The following MRPS28 variants were observed in gnomAD, a reference collection of about 807,000 sequenced individuals.
The protein encoded by MRPS28 is small ribosomal subunit protein bS1m.
In MRPS28, 7 loss-of-function variants were observed where a neutral mutation model predicts 10.8. That is an observed-to-expected ratio of 0.65 (90% CI 0.37 to 1.22). MRPS28 has a LOEUF of 1.22. Among genes scored for constraint, MRPS28 ranks in the 50% most tolerant of loss-of-function variants. The probability of loss-of-function intolerance (pLI) is 0.02; values close to 1 mark genes in which losing one functional copy is unlikely to be tolerated. For missense variants in MRPS28, 265 were observed against 232.9 expected (o/e 1.14, Z -0.90); for synonymous variants, 121 against 93.3 (o/e 1.30, Z -1.71).
intron 2 of MRPS28, among the ~76,000 whole-genome samples, chr8:79,926,321 C>A (rs1810234053): frequency 6.6e-6 from 1 of 152,176 alleles, no homozygotes; most frequent in Non-Finnish European, 1.5e-5. Context: ...TTGACTGAAA[C>A]AAGTTTTTTC....
intron 2 of MRPS28, among the ~76,000 whole-genome samples, chr8:79,927,009 T>C (rs902889985): frequency 2.2e-4 from 33 of 152,300 alleles, no homozygotes; most frequent in South Asian, 8.3e-4. Flanking sequence ...TTGTGGTAGT[T>C]TGGGGCCAGG....
chr8:79,946,202 G>C (rs772668624), intron 2 of MRPS28, among the ~76,000 whole-genome samples: 5 of 152,024 alleles, frequency 3.3e-5, no homozygotes, highest in Non-Finnish European at 5.9e-5. Flanking sequence ...ACTGCCCAAA[G>C]CTAAATAATC....
At chr8:79,985,733 T>C (rs184287472) in intron 2 of MRPS28, among the ~76,000 whole-genome samples, 2,407 of 152,278 alleles carry the variant, frequency 0.016, 61 homozygotes, top group African/African-American at 0.053. Flanking sequence ...CAGGAAGAAG[T>C]TGACTCTCTG....
chr8:79,995,688 A>G (rs762362320), intron 2 of MRPS28, among the ~76,000 whole-genome samples: 2 of 152,240 alleles, frequency 1.3e-5, no homozygotes, highest in Non-Finnish European at 2.9e-5. Context: ...TCAAGTAGCT[A>G]CACAGCCCAG....
rs556720873 is a variant in MRPS28 at position 79,996,760 on chromosome 8, A to C, written c.395+6239T>G. On this transcript the variant is annotated intron_variant, in intron 2 of 2. Coordinates refer to ENST00000276585, the MANE Select transcript of MRPS28 (RefSeq NM_014018.3). The stretch of plus-strand genomic sequence containing the variant: ...GACCTCCACAGAGCTTCACTGCCAC[A>C]CTGCCTTCAGGGTCCCTGGAATGAA... Among the ~76,000 whole-genome samples, 285 of 152,338 alleles carry C rather than the reference A, an allele frequency of 1.9e-3. 2 individuals are homozygous for C. The highest frequency in any genetic ancestry group is 6.7e-3 in the African/African-American group (279 of 41,574).
chr8:79,990,277 T>C (rs568718476), intron 2 of MRPS28, among the ~76,000 whole-genome samples: 9 of 152,286 alleles, frequency 5.9e-5, no homozygotes, highest in African/African-American at 2.2e-4. Context: ...TCTAGTCACC[T>C]GGGCTAGAAA....
rs952829276 is a variant in MRPS28, at chr8:80,002,662, C to T, written c.395+337G>A. Among the ~76,000 whole-genome samples the T allele has an allele frequency of 5.9e-5, 9 of 152,190 alleles. No homozygotes were observed. In the South Asian group the frequency reaches 6.2e-4, roughly 11 times the overall value. ...GGAGAAGTGGAAAGAGACTATGGAA[C>T]AGAGAGAAGGGACAAAAAAATGGTT... On this transcript the variant is annotated intron_variant, in intron 2 of 2. Transcript: ENST00000276585.
chr8:79,970,220 T>C (rs552154841), intron 2 of MRPS28, among the ~76,000 whole-genome samples: 16 of 152,300 alleles, frequency 1.1e-4, no homozygotes, highest in African/African-American at 3.8e-4. Flanking sequence ...ACGGGTTTTT[T>C]TTACCTAGAT....
At chr8:79,964,438 CTAGT>C (rs1807453109) in intron 2 of MRPS28, among the ~76,000 whole-genome samples, 2 of 152,180 alleles carry the variant, frequency 1.3e-5, no homozygotes, top group African/African-American at 4.8e-5. Context: ...GCCAAAAAAC[CTAGT>C]TAGAGCAAAG....
At position 79,999,301 on chromosome 8, in the gene MRPS28, A is replaced by G. The variant is rs1808591905; in HGVS notation, c.395+3698T>C. On this transcript the variant is annotated intron_variant, in intron 2 of 2. Transcript: ENST00000276585. Reference sequence around the variant, plus strand: ...TACAAAAAGGGGAAGACCACAAACAACTGAGCTGGATCTCATTACTTCCTT... The same window carrying G: ...TACAAAAAGGGGAAGACCACAAACAGCTGAGCTGGATCTCATTACTTCCTT... Among the ~76,000 whole-genome samples the G allele has an allele frequency of 2.6e-5, 4 of 152,206 alleles. No individual in the cohort carries two copies. The South Asian group carries it at 8.3e-4, about 31-fold the overall frequency.
At chr8:80,026,982 C>A (rs1397846119) in intron 1 of MRPS28, among the ~76,000 whole-genome samples, 1 of 152,000 alleles carries the variant, frequency 6.6e-6, no homozygotes, top group African/African-American at 2.4e-5. Flanking sequence ...CAGACATATC[C>A]CATACCCCTC....
Position 80,007,479 on chromosome 8 carries a change from A to C in MRPS28, c.214-4299T>G, listed in dbSNP as rs555016575. Among the ~76,000 whole-genome samples, 851 of 152,288 alleles carry C rather than the reference A, an allele frequency of 5.6e-3. 9 individuals are homozygous for C. Among genetic ancestry groups the C allele is most frequent in the African/African-American group, 0.02 (822 of 41,552 alleles). ...TTCAATTAGGAAAAGAGGAAGTCAA[A>C]CTGTCCCTGTTTGCAGATGACATGA... is the stretch of plus-strand genomic sequence containing the variant. On this transcript the variant is annotated intron_variant, in intron 1 of 2. Coordinates refer to ENST00000276585, the MANE Select transcript of MRPS28 (RefSeq NM_014018.3).
intron 2 of MRPS28, among the ~76,000 whole-genome samples, chr8:79,940,766 G>T (rs1806744346): frequency 6.6e-6 from 1 of 152,158 alleles, no homozygotes; most frequent in South Asian, 2.1e-4. Context: ...AGAAAAAAGG[G>T]ACAAGGAGGT....
intron 2 of MRPS28, among the ~76,000 whole-genome samples, chr8:79,967,539 A>G (rs1187528758): frequency 1.3e-5 from 2 of 152,168 alleles, no homozygotes; most frequent in Non-Finnish European, 2.9e-5. Context: ...AAGGGGTAGT[A>G]AAAGGTTTTG....
At chr8:79,991,908 T>TGCTCTCTCTC (rs1563536348) in intron 2 of MRPS28, among the ~76,000 whole-genome samples, 1 of 119,674 alleles carries the variant, frequency 8.4e-6, no homozygotes, top group Non-Finnish European at 1.7e-5. Flanking sequence ...ACTTCCTCCT[T>TGCTCTCTCTC]GCTCTCTCTC....
At chr8:79,932,794 A>G (rs1281497227) in intron 2 of MRPS28, among the ~76,000 whole-genome samples, 3 of 152,208 alleles carry the variant, frequency 2.0e-5, no homozygotes, top group Non-Finnish European at 2.9e-5. Context: ...CGGCAGCCAG[A>G]TCTAACACCA....
At chr8:80,029,659 C>G in intron 1 of MRPS28, 1 of 1,172,644 alleles carries the variant, frequency 8.5e-7, no homozygotes, top group South Asian at 1.3e-5. Flanking sequence ...CTGTTCAGAA[C>G]AAGACCCAGC....
intron 2 of MRPS28, among the ~76,000 whole-genome samples, chr8:79,948,811 T>C (rs924879627): frequency 6.6e-6 from 1 of 152,230 alleles, no homozygotes; most frequent in African/African-American, 2.4e-5. Context: ...CAGGATAAAC[T>C]GCACTTTGGT....
chr8:79,982,669 A>G (rs1808000337), intron 2 of MRPS28, among the ~76,000 whole-genome samples: 1 of 152,166 alleles, frequency 6.6e-6, no homozygotes, highest in East Asian at 1.9e-4. Context: ...TTGCTAGCAC[A>G]GCAGTCTGAG....
Sources: allele counts gnomAD v4.1 joint callset (sites outside exome capture counted in the v4.1 genomes callset), GRCh38; gene constraint gnomAD v4.1.1; transcripts MANE v1.5; gene names NCBI Gene and HGNC (gene_info 2026-07-23, HGNC 2026-07-21).